Variants in GATA4 observed in about 807,000 individuals in gnomAD.
The protein encoded by GATA4 is GATA binding protein 4, also known as transcription factor GATA-4.
GATA4 carries 7 observed loss-of-function variants against 37.9 expected under a neutral mutation model. The observed-to-expected ratio is 0.18, with a 90% confidence interval of 0.11 to 0.35. The LOEUF (loss-of-function observed/expected upper bound fraction) is 0.35. Among genes scored for constraint, GATA4 ranks in the 10% least tolerant of loss-of-function variants. The pLI, the probability that GATA4 is intolerant of heterozygous loss-of-function variation, is 1.00. For synonymous variants in GATA4, 372 were observed against 292.6 expected, an observed-to-expected ratio of 1.27 and a Z score of -2.77; for missense variants, 647 against 653.0, an observed-to-expected ratio of 0.99 and a Z score of 0.10.
chr8:11,736,541 G>A (rs560630661), intron 2 of GATA4, among the ~76,000 whole-genome samples: 34 of 152,356 alleles, frequency 2.2e-4, no homozygotes, highest in African/African-American at 7.5e-4. Flanking sequence ...CGCTTGGCAG[G>A]AACTCTGCAG....
At chr8:11,743,521 T>C (rs1425619762) in intron 2 of GATA4, among the ~76,000 whole-genome samples, 3 of 152,228 alleles carry the variant, frequency 2.0e-5, no homozygotes, top group African/African-American at 7.2e-5. Context: ...TGGCCTGAGC[T>C]GTCTCCCCAG....
chr8:11,717,008 C>T (rs1276916815), intron 2 of GATA4, among the ~76,000 whole-genome samples: 1 of 152,162 alleles, frequency 6.6e-6, no homozygotes, highest in Non-Finnish European at 1.5e-5. Flanking sequence ...AACTATTTGT[C>T]TTTTGGGAAC....
chr8:11,724,933 G>A (rs1800844463), intron 2 of GATA4, among the ~76,000 whole-genome samples: 1 of 152,260 alleles, frequency 6.6e-6, no homozygotes, highest in Non-Finnish European at 1.5e-5. Context: ...GCCACAGTGT[G>A]AAGGGAAGAG....
intron 1 of GATA4, chr8:11,692,768 G>T: frequency 4.1e-6 from 4 of 982,894 alleles, no homozygotes; most frequent in Non-Finnish European, 4.8e-6. Context: ...ACGGGGGGCG[G>T]GAAGCGAGGC....
At chr8:11,755,261 C>A in intron 5 of GATA4, 128 bp downstream of exon 5, 1 of 733,520 alleles carries the variant, frequency 1.4e-6, no homozygotes, top group East Asian at 2.7e-5. Context: ...TCGGACATCC[C>A]TGGCCTTTCA....
At chr8:11,723,002 A>G (rs1800743961) in intron 2 of GATA4, among the ~76,000 whole-genome samples, 1 of 152,220 alleles carries the variant, frequency 6.6e-6, no homozygotes, top group Non-Finnish European at 1.5e-5. Context: ...GTTCTCTAGC[A>G]TCCTTCAACA....
At chr8:11,720,587 C>T (rs1449728945) in intron 2 of GATA4, among the ~76,000 whole-genome samples, 2 of 152,174 alleles carry the variant, frequency 1.3e-5, no homozygotes, top group African/African-American at 2.4e-5. Flanking sequence ...CTTTTCTACT[C>T]GTCTCCCTCC....
At position 11,693,522 on chromosome 8, in the gene GATA4, AACACACACACACAC is replaced by A. The variant is rs140439542; in HGVS notation, c.-729+890_-729+903del. Among the ~76,000 whole-genome samples, 171 of 110,020 alleles carry A rather than the reference AACACACACACACAC, an allele frequency of 1.6e-3. 1 individual carries two copies. The highest frequency in any genetic ancestry group is 6.4e-3 in the African/African-American group (163 of 25,588). 72.2% of individuals were successfully genotyped at this position (110,020 alleles called of 152,430 possible). On this transcript the variant is annotated intron_variant, in intron 1 of 2. Coordinates refer to the GATA4 transcript ENST00000526974. ...AAAAAAAGAGGATTGATTCAGCACA[AACACACACACACAC>A]ACACACACACACACACACACACACA...
At chr8:11,690,502 G>T (rs111932791), upstream of GATA4, among the ~76,000 whole-genome samples, 935 of 152,278 alleles carry the variant, frequency 6.1e-3, 7 homozygotes, top group African/African-American at 0.021. Context: ...TGTGATAAAG[G>T]CTGTAGAAAC....
rs1161534626 is a variant in GATA4, at chr8:11,748,916, T to G, written c.617T>G (p.Val206Gly). ...ANPAARHPNLVDMFDDFSEGR... is the reference protein window; with the variant it reads ...ANPAARHPNLGDMFDDFSEGR... ...TTCTTGTCTGTTCCCCCCAACTCAG[T>G]AGATATGTTTGACGACTTCTCAGAA... Residue 206 changes from valine (V) to glycine (G), a missense_variant and splice_region_variant, in exon 3 of 7, where the codon GTA becomes GGA. Val to Gly is a moderately radical substitution (Grantham distance 109). Coordinates refer to ENST00000532059, the MANE Select transcript of GATA4 (RefSeq NM_001308093.3). 2 of 1,614,202 alleles carry G rather than the reference T, an allele frequency of 1.2e-6. No homozygotes were observed. The highest frequency in any genetic ancestry group is 3.3e-5 in the Admixed American group (2 of 60,030).
intron 1 of GATA4, among the ~76,000 whole-genome samples, chr8:11,679,165 T>G (rs1798872096): frequency 8.8e-6 from 1 of 113,098 alleles, no homozygotes; most frequent in Non-Finnish European, 1.9e-5. Context: ...TCGAGGCAAT[T>G]ATCCGAATAA....
In GATA4 at chr8:11,755,046, G is replaced by T; in HGVS notation, c.913G>T (p.Val305Phe). 2 of 1,613,588 alleles carry T rather than the reference G, an allele frequency of 1.2e-6. No individual in the cohort carries two copies. Among genetic ancestry groups the T allele is most frequent in the Non-Finnish European group, 1.7e-6 (2 of 1,179,560 alleles). The change falls in exon 5 of 7, where the codon GTC becomes TTC. Residue 305 changes from valine (V) to phenylalanine (F), a missense_variant and splice_region_variant. This residue lies in a region of GATA4 where 21 missense variants were observed against 62.6 expected (regional missense o/e 0.34). Coordinates refer to ENST00000532059, the MANE Select transcript of GATA4 (RefSeq NM_001308093.3). ...ACGLYMKLHG[V>F]PRPLAMRKEG... The stretch of plus-strand genomic sequence containing the variant: ...TATATATTTACTTGTGACCCTCCAG[G>T]TCCCCAGGCCTCTTGCAATGCGGAA...
intron 1 of GATA4, among the ~76,000 whole-genome samples, chr8:11,681,815 G>C (rs960206504): frequency 6.6e-6 from 1 of 152,046 alleles, no homozygotes; most frequent in Non-Finnish European, 1.5e-5. Context: ...CTTTCCCGCT[G>C]TTCTTGGCCG....
intron 2 of GATA4, among the ~76,000 whole-genome samples, chr8:11,722,535 T>C (rs1267936332): frequency 6.6e-6 from 1 of 152,372 alleles, no homozygotes; most frequent in South Asian, 2.1e-4. Context: ...GCCTGTGTTA[T>C]GCCTGTTAAG....
In GATA4 at chr8:11,758,787, G is replaced by A. The variant is rs538035276; in HGVS notation, c.*312G>A. 23 of 414,624 alleles carry A rather than the reference G, an allele frequency of 5.5e-5. No individual in the cohort carries two copies. The highest frequency in any genetic ancestry group is 3.7e-4 in the South Asian group (17 of 46,148). 25.7% of individuals were successfully genotyped at this position (414,624 alleles called of 1,614,324 possible). ...TGCGTTCCCCACTGTGGCCTAGACC[G>A]TGGGTTTTGCATTGTGTTTCTAGCA... On this transcript the variant is annotated 3_prime_UTR_variant, in exon 7 of 7. Coordinates refer to ENST00000532059, the MANE Select transcript of GATA4 (RefSeq NM_001308093.3).
intron 2 of GATA4, among the ~76,000 whole-genome samples, chr8:11,737,208 C>T (rs918774753): frequency 3.3e-5 from 5 of 152,080 alleles, no homozygotes; most frequent in African/African-American, 7.2e-5. Flanking sequence ...CTCGCCTCCT[C>T]TTCTGAAAGG....
chr8:11,721,971 A>T (rs1193782406), intron 2 of GATA4, among the ~76,000 whole-genome samples: 1 of 152,130 alleles, frequency 6.6e-6, no homozygotes, highest in Non-Finnish European at 1.5e-5. Context: ...TTGATCCATC[A>T]CCCTTCCTTT....
intron 1 of GATA4, among the ~76,000 whole-genome samples, chr8:11,705,416 G>A (rs2130048825): frequency 6.6e-6 from 1 of 152,364 alleles, no homozygotes; most frequent in East Asian, 1.9e-4. Flanking sequence ...CCAGCGAGGA[G>A]TGTCCTATAA....
At chr8:11,746,222 T>A (rs1161075250) in intron 2 of GATA4, among the ~76,000 whole-genome samples, 2 of 149,848 alleles carry the variant, frequency 1.3e-5, no homozygotes, top group Admixed American at 6.6e-5. Flanking sequence ...AGTGAGACTC[T>A]GTCTCAAAAA....
Sources: gnomAD v4.1 joint callset for allele counts (sites outside exome capture counted in the v4.1 genomes callset) on GRCh38, gnomAD v4.1.1 for gene constraint, gnomAD v4.1.1 regional missense constraint, MANE v1.5 for transcripts, NCBI Gene and HGNC (gene_info 2026-07-23, HGNC 2026-07-21) for gene names.